Variants in TAFA5 observed in about 807,000 individuals in gnomAD.
TAFA5 encodes the protein TAFA chemokine like family member 5, also known as chemokine-like protein TAFA-5.
Under a neutral mutation model 15.3 loss-of-function variants are expected in TAFA5, and 6 were observed. The observed-to-expected ratio is 0.39, with a 90% CI of 0.21 to 0.77. TAFA5 has a LOEUF of 0.77. Among genes scored for constraint, TAFA5 ranks in the 30% least tolerant of loss-of-function variants. TAFA5 has a pLI of 0.41. For synonymous variants in TAFA5, 103 were observed against 80.7 expected (o/e 1.28, Z -1.48); for missense variants, 161 against 193.1 (o/e 0.83, Z 0.98).
At chr22:48,744,046 G>T (rs536485775) in intron 3 of TAFA5, among the ~76,000 whole-genome samples, 45 of 152,292 alleles carry the variant, frequency 3.0e-4, no homozygotes, top group South Asian at 8.3e-4. Flanking sequence ...TCCGAGTTGC[G>T]CCTGCCAAGG....
chr22:48,573,941 G>C (rs1923672084), intron 1 of TAFA5, among the ~76,000 whole-genome samples: 2 of 152,128 alleles, frequency 1.3e-5, no homozygotes, highest in South Asian at 4.1e-4. Flanking sequence ...CATGTGATAA[G>C]CACCCAGAAG....
intron 1 of TAFA5, among the ~76,000 whole-genome samples, chr22:48,509,054 C>G (rs1298135025): frequency 6.6e-6 from 1 of 152,212 alleles, no homozygotes; most frequent in Non-Finnish European, 1.5e-5. Context: ...TGAATGAGAA[C>G]AGGAGGTATT....
chr22:48,542,265 TGGTGTGTGTGGGG>T (rs1922423835), intron 1 of TAFA5, among the ~76,000 whole-genome samples: 2 of 134,676 alleles, frequency 1.5e-5, no homozygotes, highest in East Asian at 2.6e-4. Context: ...TATGTGTGTG[TGGTGTGTGTGGGG>T]GGTGTGTGTG....
intron 1 of TAFA5, among the ~76,000 whole-genome samples, chr22:48,621,147 C>T (rs1181840244): frequency 2.4e-5 from 1 of 42,388 alleles, no homozygotes; most frequent in Non-Finnish European, 4.6e-5. Context: ...CCCACCCACC[C>T]ATCCTATTCA....
chr22:48,627,858 G>A (rs1423314915), intron 1 of TAFA5, among the ~76,000 whole-genome samples: 2 of 152,236 alleles, frequency 1.3e-5, no homozygotes, highest in Non-Finnish European at 2.9e-5. Flanking sequence ...TGGAGTCCGT[G>A]TTAGGCTGAC....
At chr22:48,645,286 T>C (rs1448509592) in intron 1 of TAFA5, among the ~76,000 whole-genome samples, 1 of 152,088 alleles carries the variant, frequency 6.6e-6, no homozygotes. Context: ...GGGCACTGTC[T>C]TTATTTGTCA....
At chr22:48,544,794 A>T in intron 1 of TAFA5, 1 of 471,264 alleles carries the variant, frequency 2.1e-6, no homozygotes. Context: ...ACCACGATCT[A>T]GGCGAGGCCT....
chr22:48,737,273 A>G (rs1930056112), intron 3 of TAFA5, among the ~76,000 whole-genome samples: 2 of 152,232 alleles, frequency 1.3e-5, no homozygotes, highest in Non-Finnish European at 2.9e-5. Flanking sequence ...GAACCTGAGA[A>G]CGTGGCTGGG....
intron 1 of TAFA5, among the ~76,000 whole-genome samples, chr22:48,582,301 C>T (rs1924079145): frequency 1.3e-5 from 2 of 152,004 alleles, no homozygotes; most frequent in South Asian, 4.1e-4. Context: ...ACCACATACA[C>T]ACCCCACACG....
chr22:48,655,882 CA>C (rs1473993700), intron 2 of TAFA5, among the ~76,000 whole-genome samples: 1 of 141,178 alleles, frequency 7.1e-6, no homozygotes. Context: ...CTCTGTTACC[CA>C]GGCTGGAGTG....
At chr22:48,701,416 AC>A (rs1420031399) in intron 2 of TAFA5, among the ~76,000 whole-genome samples, 4 of 152,242 alleles carry the variant, frequency 2.6e-5, no homozygotes, top group Middle Eastern at 3.4e-3. Context: ...GCACGGGTCC[AC>A]CCAGGTGCTG....
rs1378162023 is a variant in TAFA5, at chr22:48,633,530, CTG to C, written c.113-13065_113-13064del. The stretch of plus-strand genomic sequence containing the variant: ...TCTGTCTGTCTGTCTGTCTGTCTGT[CTG>C]TCTCTCCCTCTCTCTCTCTCTCTCT... On this transcript the variant is annotated intron_variant, in intron 1 of 3. Transcript: ENST00000402357. 1.2e-3 allele frequency among the ~76,000 whole-genome samples: 138 copies of C among 116,280 alleles called. 2 individuals are homozygous for C. Among genetic ancestry groups the C allele is most frequent in the African/African-American group, 1.9e-3 (57 of 29,322 alleles). 76.3% of individuals were successfully genotyped at this position (116,280 alleles called of 152,430 possible). A position where few individuals can be genotyped will look rare whatever the true frequency, so the allele number is the denominator to read the frequency against.
intron 2 of TAFA5, among the ~76,000 whole-genome samples, chr22:48,660,916 C>T (rs763847272): frequency 3.4e-4 from 49 of 145,218 alleles, no homozygotes; most frequent in Non-Finnish European, 6.9e-4. Context: ...TCTCGGAGAC[C>T]CAGGGCCGGC....
At chr22:48,694,808 C>A in intron 2 of TAFA5, among the ~76,000 whole-genome samples, 1 of 23,314 alleles carries the variant, frequency 4.3e-5, no homozygotes, top group Non-Finnish European at 1.3e-4. Context: ...AGACCTCCGC[C>A]CCCACCCGCC....
intron 1 of TAFA5, among the ~76,000 whole-genome samples, chr22:48,558,588 G>C (rs993952062): frequency 1.3e-5 from 2 of 152,206 alleles, no homozygotes; most frequent in Non-Finnish European, 2.9e-5. Context: ...GCCGTGGTCT[G>C]TGGAGAGGTC....
chr22:48,673,132 G>A (rs145082346), intron 2 of TAFA5, among the ~76,000 whole-genome samples: 24 of 152,256 alleles, frequency 1.6e-4, no homozygotes, highest in Non-Finnish European at 2.2e-4. Context: ...TATCGGTCTC[G>A]TTGTTCAAGT....
intron 1 of TAFA5, among the ~76,000 whole-genome samples, chr22:48,612,252 G>A (rs538389694): frequency 6.6e-6 from 1 of 152,224 alleles, no homozygotes; most frequent in East Asian, 1.9e-4. Flanking sequence ...CCGCCAGCGT[G>A]GGTGACTCCA....
chr22:48,690,044 T>TTGCTGGGGGGC (rs1928489068), intron 2 of TAFA5, among the ~76,000 whole-genome samples: 2 of 151,844 alleles, frequency 1.3e-5, no homozygotes, highest in South Asian at 4.2e-4. Context: ...GGAGGTGGGC[T>TTGCTGGGGGGC]TGGCTGGGGT....
intron 2 of TAFA5, among the ~76,000 whole-genome samples, chr22:48,661,870 G>C (rs369775473): frequency 2.0e-5 from 3 of 152,170 alleles, no homozygotes; most frequent in African/African-American, 7.2e-5. Context: ...ATGGTGACTG[G>C]GGGCTCATTG....
Sources: allele counts gnomAD v4.1 joint callset (sites outside exome capture counted in the v4.1 genomes callset), GRCh38; gene constraint gnomAD v4.1.1; transcripts MANE v1.5; gene names NCBI Gene and HGNC (gene_info 2026-07-23, HGNC 2026-07-21).